LIPE: variants seen among roughly 807,000 people sequenced by gnomAD.
LIPE encodes lipase E, hormone sensitive type.
LIPE carries 66 observed loss-of-function variants against 88.5 expected under a neutral mutation model. The observed-to-expected ratio is 0.75, with a 90% CI of 0.61 to 0.91. The LOEUF (loss-of-function observed/expected upper bound fraction) is 0.91, where lower values mean the gene tolerates loss of function less well. Ranked by LOEUF, LIPE falls within the 40% of genes least tolerant of loss-of-function variation. The pLI, the probability that LIPE is intolerant of heterozygous loss-of-function variation, is 0.00. For synonymous variants in LIPE, 570 were observed against 617.5 expected (o/e 0.92, Z 1.14); for missense variants, 1,346 against 1,434.7 (o/e 0.94, Z 1.00).
At position 42,426,406 on chromosome 19, in the gene LIPE, G is replaced by C. The variant is rs780032886; in HGVS notation, c.744C>G (p.Ala248=). The part of the protein sequence containing the change: ...VGSSSDTDSP[A]TMGGMVAQGV... The stretch of plus-strand genomic sequence containing the variant: ...CCTGGGCCACCATTCCACCCATCGT[G>C]GCTGGAGAATCTGTGTCTGAAGATG... Residue 248 remains alanine, a synonymous_variant, in exon 1 of 10, where the codon GCC becomes GCG. Transcript: ENST00000244289. 6.2e-7 allele frequency: 1 copy of C among 1,614,004 alleles called. No homozygotes were observed. The highest frequency in any genetic ancestry group is 1.1e-5 in the South Asian group (1 of 91,044).
rs368773277 is a variant in LIPE at position 42,407,784 on chromosome 19, G to A, written c.1664C>T (p.Ala555Val). Reference protein sequence around the residue: ...ITEMEVLSSLANMASATVRVS... With the variant: ...ITEMEVLSSLVNMASATVRVS... Reference sequence around the variant, plus strand: ...CCTCACGGTGGCCGATGCCATGTTGGCCAGAGACTGGAGGGAGGGGACAGA... The same window carrying A: ...CCTCACGGTGGCCGATGCCATGTTGACCAGAGACTGGAGGGAGGGGACAGA... The change falls in exon 5 of 10, where the codon GCC becomes GTC. Residue 555 changes from alanine to valine, a missense_variant. Transcript: ENST00000244289. This position sits in a 1 kb window ranked among gnomAD's most constrained non-coding sequence, Gnocchi z 5.8. 199 of 1,547,520 alleles carry A rather than the reference G, an allele frequency of 1.3e-4. No homozygotes were observed. Among genetic ancestry groups the A allele is most frequent in the Non-Finnish European group, 1.6e-4 (183 of 1,146,044 alleles).
rs111588704 is a variant in LIPE, at chr19:42,406,568, T to C, written c.2138-180A>G. Among the ~76,000 whole-genome samples the C allele has an allele frequency of 4.4e-3, 671 of 152,248 alleles. 6 individuals carry two copies. The highest frequency in any genetic ancestry group is 0.015 in the African/African-American group (631 of 41,554). On this transcript the variant is annotated intron_variant, in intron 6 of 9. Transcript: ENST00000244289. The surrounding 1 kb of genome is among the most constrained non-coding windows in gnomAD (Gnocchi z 5.7). ...ACTGAGGCACAGATTTGGGCTCATG[T>C]GGTAGACAGAGGGTCAGGATGACTC... is the stretch of plus-strand genomic sequence containing the variant.
At position 42,408,554 on chromosome 19, in the gene LIPE, C is replaced by T. The variant is rs1202498466; in HGVS notation, c.1420-232G>A. The stretch of plus-strand genomic sequence containing the variant: ...CGCGCAGTATCATGACAAGGAATGA[C>T]GAATGGTTTGGAAAAAAAAAAAGGC... On this transcript the variant is annotated intron_variant, in intron 2 of 9. Coordinates refer to ENST00000244289, the MANE Select transcript of LIPE (RefSeq NM_005357.4). This position sits in a 1 kb window ranked among gnomAD's most constrained non-coding sequence, Gnocchi z 4.3. 1.0e-5 allele frequency: 5 copies of T among 491,368 alleles called. No individual in the cohort carries two copies. Among genetic ancestry groups the T allele is most frequent in the South Asian group, 7.8e-5 (3 of 38,656 alleles). The allele number at this position is 491,368 out of a possible 1,614,324, so 30.4% of individuals were successfully genotyped here.
chr19:42,418,800 T>C (rs10417560), intron 1 of LIPE, among the ~76,000 whole-genome samples: 10,045 of 152,226 alleles, frequency 0.066, 1,038 homozygotes, highest in African/African-American at 0.22. Flanking sequence ...TGGTCTGGAA[T>C]TGAACCCCAA....
At position 42,408,142 on chromosome 19, in the gene LIPE, CAG is replaced by C; in HGVS notation, c.1511-23_1511-22del. 1 of 1,613,978 alleles carries C rather than the reference CAG, an allele frequency of 6.2e-7. No homozygotes were observed. Among genetic ancestry groups the C allele is most frequent in the South Asian group, 1.1e-5 (1 of 91,074 alleles). ...CACACCTAGGGGTCAGAAGGGGTGT[CAG>C]GGAGCCCCAGTGGGTCAGGCTGCTT... On this transcript the variant is annotated intron_variant, in intron 3 of 9. Coordinates refer to ENST00000244289, the MANE Select transcript of LIPE (RefSeq NM_005357.4). The surrounding 1 kb of genome is among the most constrained non-coding windows in gnomAD (Gnocchi z 4.3).
At position 42,406,019 on chromosome 19, in the gene LIPE, CG is replaced by C. The variant is rs1568598154; in HGVS notation, c.2365+141del. ...ACACACACACACACACACACACACA[CG>C]AAAAAAAAGGGACAAGGAGTCTTAG... is the stretch of plus-strand genomic sequence containing the variant. On this transcript the variant is annotated intron_variant, in intron 7 of 9. Coordinates refer to ENST00000244289, the MANE Select transcript of LIPE (RefSeq NM_005357.4). This position sits in a 1 kb window ranked among gnomAD's most constrained non-coding sequence, Gnocchi z 5.7. 5.2e-3 allele frequency: 3,199 copies of C among 609,882 alleles called. 81 individuals are homozygous for C. The African/African-American group carries it at 0.08, about 15-fold the overall frequency. 37.8% of individuals were successfully genotyped at this position (609,882 alleles called of 1,614,324 possible). A position where few individuals can be genotyped will look rare whatever the true frequency, so the allele number is the denominator to read the frequency against.
Position 42,424,025 on chromosome 19 carries a change from C to T in LIPE, c.883+2242G>A, listed in dbSNP as rs959610225. On this transcript the variant is annotated intron_variant, in intron 1 of 9. Transcript: ENST00000244289. ...TGCCTGGGGTGGGGGCGGGCCAGGT[C>T]CTCTGCCAACTCAAAGACGAGGCGG... The T allele has an allele frequency of 7.6e-6, 9 of 1,179,872 alleles. No homozygotes were observed. The African/African-American group carries it at 1.3e-4, about 17-fold the overall frequency. The allele number at this position is 1,179,872 out of a possible 1,614,324, so 73.1% of individuals were successfully genotyped here. A position where few individuals can be genotyped will look rare whatever the true frequency, so the allele number is the denominator to read the frequency against.
Position 42,407,465 on chromosome 19 carries a change from T to C in LIPE, c.1846A>G (p.Ser616Gly), listed in dbSNP as rs144357047. 298 of 1,611,006 alleles carry C rather than the reference T, an allele frequency of 1.8e-4. 2 individuals are homozygous for C. In the Middle Eastern group the frequency reaches 2.2e-3, roughly 12 times the overall value. Residue 616 changes from serine (S) to glycine (G), a missense_variant, in exon 6 of 10, where the codon AGT becomes GGT. Transcript: ENST00000244289. The surrounding 1 kb of genome is among the most constrained non-coding windows in gnomAD (Gnocchi z 5.8). ...ISYDLREGQD[S>G]EELSSLIKSN... ...TTTATCAGGCTGCTGAGCTCCTCAC[T>C]GTCCTGGGGGTGAGGAGGGAGACGG... is the stretch of plus-strand genomic sequence containing the variant.
At chr19:42,420,219 CT>C (rs1347589850) in intron 1 of LIPE, among the ~76,000 whole-genome samples, 2 of 152,048 alleles carry the variant, frequency 1.3e-5, no homozygotes, top group Non-Finnish European at 2.9e-5. Context: ...AGCTGCTGAT[CT>C]CTGCTGTGTT....
rs1451891543 is a variant in LIPE at position 42,407,067 on chromosome 19, G to A, written c.2137+107C>T. 1.5e-5 allele frequency: 15 copies of A among 988,732 alleles called. No individual in the cohort carries two copies. Among genetic ancestry groups the A allele is most frequent in the Non-Finnish European group, 2.2e-5 (15 of 692,106 alleles). 61.2% of individuals were successfully genotyped at this position (988,732 alleles called of 1,614,324 possible). A position where few individuals can be genotyped will look rare whatever the true frequency, so the allele number is the denominator to read the frequency against. The stretch of plus-strand genomic sequence containing the variant: ...CCTGGGTGAGCAGGAGCTGGGAGGT[G>A]TGGGGGGAGAGAAAGGTAGAGGGTG... On this transcript the variant is annotated intron_variant, in intron 6 of 9. Transcript: ENST00000244289. This position sits in a 1 kb window ranked among gnomAD's most constrained non-coding sequence, Gnocchi z 5.8.
intron 1 of LIPE, among the ~76,000 whole-genome samples, chr19:42,415,726 C>T (rs987194589): frequency 1.3e-5 from 2 of 151,266 alleles, no homozygotes; most frequent in African/African-American, 4.9e-5. Flanking sequence ...AGGAGAATGG[C>T]GTGAACCTGG....
At chr19:42,419,442 G>A (rs1451821092) in intron 1 of LIPE, among the ~76,000 whole-genome samples, 1 of 152,214 alleles carries the variant, frequency 6.6e-6, no homozygotes, top group Non-Finnish European at 1.5e-5. Context: ...ACTGGGCTGG[G>A]TGGAGCTGGC....
intron 1 of LIPE, among the ~76,000 whole-genome samples, chr19:42,422,761 T>C (rs912710762): frequency 6.6e-6 from 1 of 152,060 alleles, no homozygotes; most frequent in Non-Finnish European, 1.5e-5. Flanking sequence ...GGCCTTCCCT[T>C]TTGCTGAGGC....
In LIPE at chr19:42,402,634, G is replaced by C. The variant is rs775931541; in HGVS notation, c.2940C>G (p.Leu980=). 1 of 1,496,780 alleles carries C rather than the reference G, an allele frequency of 6.7e-7. No homozygotes were observed. The highest frequency in any genetic ancestry group is 8.9e-7 in the Non-Finnish European group (1 of 1,121,070). The allele number at this position is 1,496,780 out of a possible 1,614,324, so 92.7% of individuals were successfully genotyped here. ...MSPLLAPDSM[L]KSLPPVHIVA... ...CGATGTGCACAGGTGGCAGGCTCTT[G>C]AGCATGCTGTCGGGTGCCAGCAGCG... is the stretch of plus-strand genomic sequence containing the variant. The change falls in exon 9 of 10, where the codon CTC becomes CTG. Residue 980 remains leucine (L), a synonymous_variant. Transcript: ENST00000244289.
chr19:42,425,645 C>T lies in LIPE; in HGVS notation c.883+622G>A, dbSNP rs145957163. On this transcript the variant is annotated intron_variant, in intron 1 of 9. Transcript: ENST00000244289. ...TGGGCAACATAGCGAGGCCACGTCT[C>T]TACGGAAAATGTAAAAATTAGCGGG... Among the ~76,000 whole-genome samples the T allele has an allele frequency of 1.9e-3, 295 of 152,206 alleles. 1 individual carries two copies. Among genetic ancestry groups the T allele is most frequent in the African/African-American group, 6.6e-3 (276 of 41,552 alleles).
At chr19:42,417,272 G>A (rs1037359544) in intron 1 of LIPE, among the ~76,000 whole-genome samples, 1 of 151,968 alleles carries the variant, frequency 6.6e-6, no homozygotes, top group East Asian at 1.9e-4. Context: ...AAAATTTTTA[G>A]TTTTAGAGAT....
rs763198652 is a variant in LIPE, at chr19:42,410,449, A to G, written c.1277T>C (p.Val426Ala). The change falls in exon 2 of 10, where the codon GTC becomes GCC. Residue 426 changes from valine to alanine, a missense_variant. By Grantham distance (64) the Val-to-Ala change is moderately conservative. Coordinates refer to ENST00000244289, the MANE Select transcript of LIPE (RefSeq NM_005357.4). The surrounding 1 kb of genome is among the most constrained non-coding windows in gnomAD (Gnocchi z 6.1). ...AACCAGCAGGCGCTGGGCGTAGTAG[A>G]CCAGAGCGCGGAGCTGGGTGAGGGC... ...LAALTQLRAL[V>A]YYAQRLLVTN... 5 of 1,614,120 alleles carry G rather than the reference A, an allele frequency of 3.1e-6. No homozygotes were observed. In the South Asian group the frequency reaches 5.5e-5, roughly 18 times the overall value.
At position 42,408,355 on chromosome 19, in the gene LIPE, T is replaced by G. The variant is rs1460057965; in HGVS notation, c.1420-33A>C. ...GAGACGCGGCTGCGTCACCCACCGC[T>G]CAAGAGAGGGATGGGGACAGGGCAG... On this transcript the variant is annotated intron_variant, in intron 2 of 9. Coordinates refer to ENST00000244289, the MANE Select transcript of LIPE (RefSeq NM_005357.4). This position sits in a 1 kb window ranked among gnomAD's most constrained non-coding sequence, Gnocchi z 4.3. 1 of 1,564,362 alleles carries G rather than the reference T, an allele frequency of 6.4e-7. No homozygotes were observed. The highest frequency in any genetic ancestry group is 8.8e-7 in the Non-Finnish European group (1 of 1,135,396).
At chr19:42,411,312 A>G in intron 1 of LIPE, 1 of 984,886 alleles carries the variant, frequency 1.0e-6, no homozygotes. Flanking sequence ...TCTTCCTTCC[A>G]GGAACCCAAG....
Sources: allele counts gnomAD v4.1 joint callset (sites outside exome capture counted in the v4.1 genomes callset), GRCh38; gene constraint gnomAD v4.1.1; non-coding constraint Gnocchi (gnomAD v3.1); transcripts MANE v1.5; gene names NCBI Gene and HGNC (gene_info 2026-07-23, HGNC 2026-07-21).